Variants in CTNNBIP1 observed in about 807,000 individuals in gnomAD.
The protein encoded by CTNNBIP1 is catenin beta interacting protein 1.
CTNNBIP1 carries 7 observed loss-of-function variants against 11.8 expected under a neutral mutation model. The observed-to-expected ratio is 0.60, with a 90% CI of 0.34 to 1.12. The LOEUF is 1.12. Among genes scored for constraint, CTNNBIP1 ranks in the 50% most tolerant of loss-of-function variants. The pLI is 0.03. For synonymous variants in CTNNBIP1, 58 were observed against 43.9 expected (o/e 1.32, Z -1.26); for missense variants, 101 against 113.4 (o/e 0.89, Z 0.50).
intron 1 of CTNNBIP1, among the ~76,000 whole-genome samples, chr1:9,899,389 C>T (rs1639475267): frequency 1.4e-5 from 2 of 142,298 alleles, no homozygotes; most frequent in South Asian, 4.4e-4. Context: ...CTGGGAGGCA[C>T]AGGCTGCAGT....
chr1:9,892,590 CA>C (rs879310827), intron 1 of CTNNBIP1, among the ~76,000 whole-genome samples: 1,659 of 129,050 alleles, frequency 0.013, 28 homozygotes, highest in African/African-American at 0.035. Flanking sequence ...GAGACTGTCT[CA>C]AAAAAAAAAA....
At chr1:9,897,409 G>C (rs374782493) in intron 1 of CTNNBIP1, among the ~76,000 whole-genome samples, 1 of 150,236 alleles carries the variant, frequency 6.7e-6, no homozygotes, top group African/African-American at 2.5e-5. Context: ...AGCCAAGATC[G>C]CTCCACTGCA....
chr1:9,878,711 G>A (rs944306127), intron 2 of CTNNBIP1, among the ~76,000 whole-genome samples: 1 of 152,204 alleles, frequency 6.6e-6, no homozygotes, highest in East Asian at 1.9e-4. Flanking sequence ...AGTGGGCGGA[G>A]ACACAGGAGA....
At position 9,867,187 on chromosome 1, in the gene CTNNBIP1, G is replaced by T. The variant is rs548117620; in HGVS notation, c.187+4000C>A. On this transcript the variant is annotated intron_variant, in intron 5 of 5. Transcript: ENST00000377263. This position sits in a 1 kb window ranked among gnomAD's most constrained non-coding sequence, Gnocchi z 4.6. ...TGGGAAACAGCCAGTGAGGGGTGACGTGAAGGACAAGGGAGGGAAAGGAGG... is the reference window on the plus strand; with the variant it reads ...TGGGAAACAGCCAGTGAGGGGTGACTTGAAGGACAAGGGAGGGAAAGGAGG... 6.6e-6 allele frequency among the ~76,000 whole-genome samples: 1 copy of T among 152,178 alleles called. No individual in the cohort carries two copies. Among genetic ancestry groups the T allele is most frequent in the Admixed American group, 6.5e-5 (1 of 15,284 alleles).
intron 1 of CTNNBIP1, among the ~76,000 whole-genome samples, chr1:9,896,691 G>T (rs12755063): frequency 6.6e-6 from 1 of 152,168 alleles, no homozygotes; most frequent in African/African-American, 2.4e-5. Flanking sequence ...AAAATTGGCC[G>T]GGTGCGGCGG....
rs939496883 is a variant in CTNNBIP1 at position 9,883,279 on chromosome 1, T to C, written c.-110+426A>G. 1.3e-5 allele frequency among the ~76,000 whole-genome samples: 2 copies of C among 151,976 alleles called. No individual in the cohort carries two copies. The highest frequency in any genetic ancestry group is 4.8e-5 in the African/African-American group (2 of 41,350). On this transcript the variant is annotated intron_variant, in intron 2 of 5. Coordinates refer to ENST00000377263, the MANE Select transcript of CTNNBIP1 (RefSeq NM_020248.3). This position sits in a 1 kb window ranked among gnomAD's most constrained non-coding sequence, Gnocchi z 5.6. The stretch of plus-strand genomic sequence containing the variant: ...GATTCATGTGAAGCCCTGTGTGAGA[T>C]GTGTGGAAGGGCAGGTGGGACACCA...
At chr1:9,854,246 T>G (rs1342977718) in intron 5 of CTNNBIP1, among the ~76,000 whole-genome samples, 1 of 151,902 alleles carries the variant, frequency 6.6e-6, no homozygotes, top group African/African-American at 2.4e-5. Context: ...TGGTGGCACA[T>G]GCCTGTGTTA....
intron 2 of CTNNBIP1, among the ~76,000 whole-genome samples, chr1:9,882,668 G>C (rs529195960): frequency 1.3e-5 from 2 of 152,256 alleles, no homozygotes; most frequent in Non-Finnish European, 2.9e-5. Context: ...CAGGAGAGGA[G>C]GGGGAGCAGC....
At chr1:9,858,741 C>T (rs946378306) in intron 5 of CTNNBIP1, among the ~76,000 whole-genome samples, 4 of 152,210 alleles carry the variant, frequency 2.6e-5, no homozygotes, top group African/African-American at 9.6e-5. Flanking sequence ...GTTTTGTTCA[C>T]TGACATAGTC....
intron 1 of CTNNBIP1, among the ~76,000 whole-genome samples, chr1:9,897,614 T>C (rs1421528829): frequency 1.3e-5 from 2 of 151,636 alleles, no homozygotes. Context: ...ATCCTGCTAT[T>C]GCACTCCAGC....
chr1:9,872,140 T>G lies in CTNNBIP1; in HGVS notation c.-24-52A>C. On this transcript the variant is annotated intron_variant, in intron 3 of 5. Coordinates refer to ENST00000377263, the MANE Select transcript of CTNNBIP1 (RefSeq NM_020248.3). The surrounding 1 kb of genome is among the most constrained non-coding windows in gnomAD (Gnocchi z 4.0). Reference sequence around the variant, plus strand: ...GGGAAGAGATCAGGATGTGACATACTGGGACAATGACACCTGCTAGTGACC... The same window carrying G: ...GGGAAGAGATCAGGATGTGACATACGGGGACAATGACACCTGCTAGTGACC... 1 of 1,121,552 alleles carries G rather than the reference T, an allele frequency of 8.9e-7. No individual in the cohort carries two copies. 69.5% of individuals were successfully genotyped at this position (1,121,552 alleles called of 1,614,324 possible). A position where few individuals can be genotyped will look rare whatever the true frequency, so the allele number is the denominator to read the frequency against.
chr1:9,902,939 G>A (rs1639550855), intron 1 of CTNNBIP1, among the ~76,000 whole-genome samples: 2 of 152,024 alleles, frequency 1.3e-5, no homozygotes, highest in South Asian at 4.1e-4. Flanking sequence ...CTAATTTTTT[G>A]TATTTTTAGT....
intron 2 of CTNNBIP1, among the ~76,000 whole-genome samples, chr1:9,878,880 G>A (rs551763232): frequency 8.9e-4 from 135 of 152,254 alleles, no homozygotes; most frequent in African/African-American, 3.1e-3. Flanking sequence ...TATATTATGC[G>A]GTAGACAACC....
chr1:9,905,532 C>T (rs1283189289), intron 1 of CTNNBIP1, among the ~76,000 whole-genome samples: 3 of 151,988 alleles, frequency 2.0e-5, no homozygotes, highest in African/African-American at 7.2e-5. Flanking sequence ...ACGCCATTCT[C>T]CTGCCTCAGC....
Position 9,872,153 on chromosome 1 carries a change from C to A in CTNNBIP1, c.-24-65G>T. 1.0e-6 allele frequency: 1 copy of A among 971,570 alleles called. No individual in the cohort carries two copies. Among genetic ancestry groups the A allele is most frequent in the Admixed American group, 1.9e-5 (1 of 53,468 alleles). 60.2% of individuals were successfully genotyped at this position (971,570 alleles called of 1,614,324 possible). A position where few individuals can be genotyped will look rare whatever the true frequency, so the allele number is the denominator to read the frequency against. On this transcript the variant is annotated intron_variant, in intron 3 of 5. Coordinates refer to ENST00000377263, the MANE Select transcript of CTNNBIP1 (RefSeq NM_020248.3). This position sits in a 1 kb window ranked among gnomAD's most constrained non-coding sequence, Gnocchi z 4.0. ...GATGTGACATACTGGGACAATGACA[C>A]CTGCTAGTGACCCTCACTCCTCCCA...
intron 5 of CTNNBIP1, among the ~76,000 whole-genome samples, chr1:9,855,563 A>C (rs1057326745): frequency 2.6e-5 from 4 of 152,180 alleles, no homozygotes; most frequent in African/African-American, 9.7e-5. Flanking sequence ...GTGGTGGGAC[A>C]ACTGGATATT....
rs954163681 is a variant in CTNNBIP1 at position 9,848,293 on chromosome 1, T to G, written c.*2425A>C. On this transcript the variant is annotated 3_prime_UTR_variant, in exon 6 of 6. Transcript: ENST00000377263. This position sits in a 1 kb window ranked among gnomAD's most constrained non-coding sequence, Gnocchi z 4.3. ...CACACACGAACCTATGAAAATTCTT[T>G]ATTGTTAATTTCTTTCTCCAACAGA... is the stretch of plus-strand genomic sequence containing the variant. 6.6e-6 allele frequency: 1 copy of G among 152,218 alleles called. No individual in the cohort carries two copies. The highest frequency in any genetic ancestry group is 2.4e-5 in the African/African-American group (1 of 41,442). 9.4% of individuals were successfully genotyped at this position (152,218 alleles called of 1,614,324 possible). A position where few individuals can be genotyped will look rare whatever the true frequency, so the allele number is the denominator to read the frequency against.
intron 2 of CTNNBIP1, among the ~76,000 whole-genome samples, chr1:9,879,280 T>C (rs1053572820): frequency 1.3e-5 from 2 of 151,840 alleles, no homozygotes; most frequent in African/African-American, 4.8e-5. Context: ...AGCCCTGTAG[T>C]GGGGGAAAGG....
intron 5 of CTNNBIP1, among the ~76,000 whole-genome samples, chr1:9,862,438 C>T (rs1471790322): frequency 6.6e-6 from 1 of 152,172 alleles, no homozygotes; most frequent in East Asian, 1.9e-4. Context: ...ACCTTGGGAG[C>T]TTGCTTAAAA....
Sources: allele counts gnomAD v4.1 joint callset (sites outside exome capture counted in the v4.1 genomes callset), GRCh38; gene constraint gnomAD v4.1.1; non-coding constraint Gnocchi (gnomAD v3.1); transcripts MANE v1.5; gene names NCBI Gene and HGNC (gene_info 2026-07-23, HGNC 2026-07-21).